The following SPOCK1 variants were observed in gnomAD, a reference collection of about 807,000 sequenced individuals.
SPOCK1 encodes the protein SPARC (osteonectin), cwcv and kazal like domains proteoglycan 1.
Under a neutral mutation model 55.3 loss-of-function variants are expected in SPOCK1, and 23 were observed. That is an observed-to-expected ratio of 0.42 (90% CI 0.30 to 0.59). SPOCK1 has a LOEUF of 0.59. SPOCK1 is among the 20% of genes least tolerant of loss of function. The pLI is 0.22. For missense variants in SPOCK1, 499 were observed against 552.5 expected (o/e 0.90, Z 0.97); for synonymous variants, 226 against 221.0 (o/e 1.02, Z -0.20).
intron 3 of SPOCK1, among the ~76,000 whole-genome samples, chr5:137,179,789 T>G (rs1215584133): frequency 2.0e-5 from 3 of 151,996 alleles, no homozygotes; most frequent in Non-Finnish European, 2.9e-5. Flanking sequence ...AAAACAAAAA[T>G]GGGGGGATTA....
At chr5:137,269,927 T>C (rs948452937) in intron 2 of SPOCK1, among the ~76,000 whole-genome samples, 5 of 151,908 alleles carry the variant, frequency 3.3e-5, no homozygotes, top group East Asian at 1.9e-4. Context: ...AAAAAAAAAA[T>C]CTTATTTTCT....
chr5:137,427,904 G>A (rs1308656796), intron 2 of SPOCK1, among the ~76,000 whole-genome samples: 5 of 119,304 alleles, frequency 4.2e-5, no homozygotes, highest in African/African-American at 6.2e-5. Flanking sequence ...GCAAGACTCC[G>A]TCTAAAAAAA....
At chr5:137,152,170 G>A (rs58924668) in intron 3 of SPOCK1, among the ~76,000 whole-genome samples, 263 of 152,320 alleles carry the variant, frequency 1.7e-3, no homozygotes, top group African/African-American at 6.0e-3. Context: ...GGTAAGTGCC[G>A]TATAACTTAA....
intron 6 of SPOCK1, among the ~76,000 whole-genome samples, chr5:137,004,698 G>C (rs1554092391): frequency 6.6e-6 from 1 of 151,500 alleles, no homozygotes; most frequent in Non-Finnish European, 1.5e-5. Flanking sequence ...ATGTACCCAG[G>C]AAAAAAAACC....
intron 2 of SPOCK1, among the ~76,000 whole-genome samples, chr5:137,431,815 C>T (rs1416812944): frequency 6.6e-6 from 1 of 152,208 alleles, no homozygotes; most frequent in Non-Finnish European, 1.5e-5. Context: ...AAGGCCATGC[C>T]ATTGAACTTC....
chr5:137,221,504 C>G (rs1019757528), intron 3 of SPOCK1, among the ~76,000 whole-genome samples: 2 of 152,084 alleles, frequency 1.3e-5, no homozygotes, highest in Admixed American at 1.3e-4. Context: ...GCCTCATCTC[C>G]GGGTGTCGAA....
intron 5 of SPOCK1, among the ~76,000 whole-genome samples, chr5:137,082,846 A>G (rs537039800): frequency 1.3e-5 from 2 of 152,210 alleles, no homozygotes; most frequent in Non-Finnish European, 2.9e-5. Context: ...TTTCAAAGTT[A>G]GAAAGTTCAA....
chr5:137,172,020 A>G (rs1647705273), intron 3 of SPOCK1, among the ~76,000 whole-genome samples: 1 of 152,190 alleles, frequency 6.6e-6, no homozygotes, highest in Admixed American at 6.5e-5. Flanking sequence ...TGGCCTTTGA[A>G]TGCAGGTTGT....
chr5:137,077,089 A>G (rs1321115530), intron 5 of SPOCK1, among the ~76,000 whole-genome samples: 1 of 151,962 alleles, frequency 6.6e-6, no homozygotes, highest in African/African-American at 2.4e-5. Flanking sequence ...ACGCCTGGCT[A>G]ATTTTTTTGT....
chr5:137,473,217 C>T (rs1160278511), intron 2 of SPOCK1, among the ~76,000 whole-genome samples: 8 of 152,170 alleles, frequency 5.3e-5, no homozygotes, highest in Admixed American at 4.6e-4. Flanking sequence ...AATGCCCATA[C>T]ATAGGAGACT....
In SPOCK1 at chr5:137,314,606, C is replaced by T. The variant is rs144153522; in HGVS notation, c.187-47551G>A. 1.1e-3 allele frequency among the ~76,000 whole-genome samples: 171 copies of T among 152,328 alleles called. 4 individuals are homozygous for T. The Middle Eastern group carries it at 0.014, about 12-fold the overall frequency. On this transcript the variant is annotated intron_variant, in intron 2 of 10. Transcript: ENST00000394945. The stretch of plus-strand genomic sequence containing the variant: ...CAGCAGAGTGCCAGGAACACACACT[C>T]TGTTCTCTATGAAAAGTAGCCAGTA...
In SPOCK1 at chr5:137,181,110, G is replaced by A. The variant is rs1295071341; in HGVS notation, c.233-40416C>T. 2.6e-5 allele frequency among the ~76,000 whole-genome samples: 4 copies of A among 152,156 alleles called. No individual in the cohort carries two copies. In the East Asian group the frequency reaches 7.7e-4, roughly 29 times the overall value. On this transcript the variant is annotated intron_variant, in intron 3 of 10. Coordinates refer to ENST00000394945, the MANE Select transcript of SPOCK1 (RefSeq NM_004598.4). Reference sequence around the variant, plus strand: ...CCTAAAACACCAAATGGGAAACAAGGATGCAGACTAACAGAAGTGAAAACG... The same window carrying A: ...CCTAAAACACCAAATGGGAAACAAGAATGCAGACTAACAGAAGTGAAAACG...
At chr5:137,372,666 G>C (rs906220797) in intron 2 of SPOCK1, among the ~76,000 whole-genome samples, 1 of 152,178 alleles carries the variant, frequency 6.6e-6, no homozygotes, top group African/African-American at 2.4e-5. Flanking sequence ...GATACAATTA[G>C]GTAAGGATTC....
chr5:137,174,223 T>C (rs931762854), intron 3 of SPOCK1, among the ~76,000 whole-genome samples: 2 of 152,222 alleles, frequency 1.3e-5, no homozygotes, highest in African/African-American at 4.8e-5. Flanking sequence ...AGAGGGACTC[T>C]TTCTGCAACT....
chr5:137,498,295 C>T (rs1754343793), intron 2 of SPOCK1, 78 bp downstream of exon 2: 17 of 1,390,052 alleles, frequency 1.2e-5, no homozygotes, highest in Non-Finnish European at 1.6e-5. Flanking sequence ...CACACACACA[C>T]ACACACCCCA....
intron 3 of SPOCK1, among the ~76,000 whole-genome samples, chr5:137,261,786 G>C (rs1389607945): frequency 3.3e-5 from 5 of 152,284 alleles, no homozygotes; most frequent in East Asian, 1.9e-4. Flanking sequence ...CTTGTCTCAG[G>C]AAAGTCCCAT....
intron 8 of SPOCK1, among the ~76,000 whole-genome samples, chr5:136,988,160 A>G (rs929966090): frequency 1.3e-5 from 2 of 152,212 alleles, no homozygotes; most frequent in Non-Finnish European, 2.9e-5. Flanking sequence ...AGATGAAAAT[A>G]CGGACAGTTG....
intron 3 of SPOCK1, among the ~76,000 whole-genome samples, chr5:137,249,373 A>G (rs1414163420): frequency 6.6e-6 from 1 of 152,246 alleles, no homozygotes; most frequent in Admixed American, 6.5e-5. Flanking sequence ...ATGGTTAAAT[A>G]AATAACAGTA....
chr5:137,041,044 T>C (rs1751987436), intron 6 of SPOCK1, among the ~76,000 whole-genome samples: 1 of 152,184 alleles, frequency 6.6e-6, no homozygotes, highest in African/African-American at 2.4e-5. Flanking sequence ...AAAAAGAGCA[T>C]TGTAATACTG....
Sources: gnomAD v4.1 joint callset for allele counts (sites outside exome capture counted in the v4.1 genomes callset) on GRCh38, gnomAD v4.1.1 for gene constraint, MANE v1.5 for transcripts, NCBI Gene and HGNC (gene_info 2026-07-23, HGNC 2026-07-21) for gene names.